The following BCAS3 variants were observed in gnomAD, a reference collection of about 807,000 sequenced individuals.
BCAS3 encodes BCAS4/BCAS3 fusion.
Under a neutral mutation model 116.1 loss-of-function variants are expected in BCAS3, and 53 were observed. That is an observed-to-expected ratio of 0.46 (90% CI 0.37 to 0.57). The LOEUF (loss-of-function observed/expected upper bound fraction) is 0.57, where lower values mean the gene tolerates loss of function less well. Ranked by LOEUF, BCAS3 falls within the 20% of genes least tolerant of loss-of-function variation. BCAS3 has a pLI of 0.00. For synonymous variants in BCAS3, 391 were observed against 408.2 expected (o/e 0.96, Z 0.51); for missense variants, 917 against 1,165.4 (o/e 0.79, Z 3.10).
chr17:61,374,778 A>T (rs2059251155), intron 23 of BCAS3, among the ~76,000 whole-genome samples: 1 of 152,220 alleles, frequency 6.6e-6, no homozygotes, highest in Non-Finnish European at 1.5e-5. Context: ...AAACAATATT[A>T]CGGCCAGTGC....
chr17:60,942,146 C>T (rs1443955946), intron 13 of BCAS3, among the ~76,000 whole-genome samples: 1 of 152,140 alleles, frequency 6.6e-6, no homozygotes, highest in African/African-American at 2.4e-5. Context: ...TTGTTTGAGG[C>T]CGGGTGCGGT....
chr17:61,338,888 GAAAAAAAAAA>G (rs57701817), intron 22 of BCAS3, among the ~76,000 whole-genome samples: 287 of 67,338 alleles, frequency 4.3e-3, no homozygotes, highest in Non-Finnish European at 6.8e-3. Context: ...CCCTTACTGG[GAAAAAAAAAA>G]AAAAAAAAAA....
At chr17:61,071,776 C>T (rs553664122) in intron 19 of BCAS3, among the ~76,000 whole-genome samples, 13 of 152,222 alleles carry the variant, frequency 8.5e-5, no homozygotes, top group Admixed American at 3.3e-4. Flanking sequence ...ATGTTTAACA[C>T]CACAGTGCCA....
intron 13 of BCAS3, among the ~76,000 whole-genome samples, chr17:60,938,420 G>GT (rs1157764682): frequency 6.6e-6 from 1 of 152,174 alleles, no homozygotes; most frequent in Non-Finnish European, 1.5e-5. Flanking sequence ...GTGAAGTATA[G>GT]TTTTTTCAAC....
At chr17:61,116,973 C>G (rs980838574) in intron 22 of BCAS3, among the ~76,000 whole-genome samples, 1 of 152,068 alleles carries the variant, frequency 6.6e-6, no homozygotes, top group South Asian at 2.1e-4. Flanking sequence ...TAGTGGGCTT[C>G]TTTGGAAGTT....
intron 6 of BCAS3, among the ~76,000 whole-genome samples, chr17:60,807,768 C>T (rs929425781): frequency 1.9e-4 from 28 of 143,830 alleles, no homozygotes; most frequent in East Asian, 4.0e-4. Context: ...GGTGACAGAG[C>T]GAGACTCTGT....
chr17:60,811,401 C>T (rs1598877001), intron 7 of BCAS3: 2 of 618,782 alleles, frequency 3.2e-6, no homozygotes, highest in African/African-American at 3.7e-5. Flanking sequence ...ACCACCTCTC[C>T]CAGGATAGTG....
chr17:60,924,516 GTCT>G lies in BCAS3; in HGVS notation c.1087+18_1087+20del. Reference sequence around the variant, plus strand: ...AATACAAGTGGTAAGTTCGCTCTCTGTCTTTTTTTTTTTTTTTTTTGTAGACCA... The same window carrying G: ...AATACAAGTGGTAAGTTCGCTCTCTGTTTTTTTTTTTTTTTTTGTAGACCA... On this transcript the variant is annotated intron_variant, in intron 13 of 23. Coordinates refer to ENST00000407086, the MANE Select transcript of BCAS3 (RefSeq NM_017679.5). The G allele has an allele frequency of 7.9e-7, 1 of 1,259,432 alleles. No individual in the cohort carries two copies. The highest frequency in any genetic ancestry group is 1.1e-6 in the Non-Finnish European group (1 of 922,510). 78.0% of individuals were successfully genotyped at this position (1,259,432 alleles called of 1,614,324 possible). A position where few individuals can be genotyped will look rare whatever the true frequency, so the allele number is the denominator to read the frequency against.
At chr17:60,918,852 C>G (rs1368337309) in intron 12 of BCAS3, among the ~76,000 whole-genome samples, 1 of 152,022 alleles carries the variant, frequency 6.6e-6, no homozygotes, top group Admixed American at 6.6e-5. Context: ...GCCACAATGC[C>G]CAACTAATTT....
At chr17:61,206,008 A>G (rs562736731) in intron 22 of BCAS3, among the ~76,000 whole-genome samples, 2 of 152,316 alleles carry the variant, frequency 1.3e-5, no homozygotes, top group Admixed American at 6.5e-5. Context: ...TGAAGAGTCA[A>G]CTGAGATGAG....
rs57701817 is a variant in BCAS3, at chr17:61,338,888, G to GA, written c.2426-29411dup. On this transcript the variant is annotated intron_variant, in intron 22 of 23. Coordinates refer to ENST00000407086, the MANE Select transcript of BCAS3 (RefSeq NM_017679.5). ...GAAGCCTATCTGGTGCCCTTACTGG[G>GA]AAAAAAAAAAAAAAAAAAAAAAAAA... 4.0e-3 allele frequency among the ~76,000 whole-genome samples: 266 copies of GA among 67,268 alleles called. 6 individuals are homozygous for GA. The highest frequency in any genetic ancestry group is 0.012 in the Middle Eastern group (1 of 84). 44.1% of individuals were successfully genotyped at this position (67,268 alleles called of 152,430 possible).
chr17:61,158,936 T>A (rs930460602), intron 22 of BCAS3, among the ~76,000 whole-genome samples: 1 of 152,210 alleles, frequency 6.6e-6, no homozygotes, highest in Non-Finnish European at 1.5e-5. Flanking sequence ...AAATTATTTA[T>A]ACATCAGCTT....
At chr17:61,163,430 GAA>G (rs11438901) in intron 22 of BCAS3, among the ~76,000 whole-genome samples, 13 of 144,338 alleles carry the variant, frequency 9.0e-5, no homozygotes, top group African/African-American at 2.3e-4. Flanking sequence ...TCTCAGAAAG[GAA>G]AAAAAAAAAA....
chr17:60,976,767 G>A (rs972415352), intron 14 of BCAS3, among the ~76,000 whole-genome samples: 2 of 152,180 alleles, frequency 1.3e-5, no homozygotes, highest in African/African-American at 2.4e-5. Context: ...TAAGGTTATA[G>A]ATTAACAGCA....
intron 19 of BCAS3, among the ~76,000 whole-genome samples, chr17:61,047,410 A>G (rs2068453806): frequency 6.6e-6 from 1 of 152,066 alleles, no homozygotes; most frequent in East Asian, 1.9e-4. Flanking sequence ...ATATATGCCA[A>G]CTAAATATAT....
At chr17:60,710,607 A>AT (rs879772906) in intron 5 of BCAS3, among the ~76,000 whole-genome samples, 3 of 151,346 alleles carry the variant, frequency 2.0e-5, no homozygotes, top group Non-Finnish European at 4.4e-5. Context: ...AATTTTTTGT[A>AT]TTTTTAGTAC....
At chr17:61,080,361 CCT>C (rs1443049562) in intron 21 of BCAS3, among the ~76,000 whole-genome samples, 1 of 152,192 alleles carries the variant, frequency 6.6e-6, no homozygotes, top group Non-Finnish European at 1.5e-5. Flanking sequence ...CCTCTCCATT[CCT>C]AATGCCAGCA....
chr17:61,053,468 G>A lies in BCAS3; in HGVS notation c.2029+12576G>A, dbSNP rs535489049. Among the ~76,000 whole-genome samples, 33 of 152,322 alleles carry A rather than the reference G, an allele frequency of 2.2e-4. No homozygotes were observed. In the South Asian group the frequency reaches 5.6e-3, roughly 26 times the overall value. ...TATAAAAAGGACAACGATACAAAAA[G>A]TTAAAGAAATTATTGGTGTTTTCTA... On this transcript the variant is annotated intron_variant, in intron 19 of 23. Transcript: ENST00000407086.
intron 5 of BCAS3, among the ~76,000 whole-genome samples, chr17:60,728,910 G>C (rs1244143464): frequency 6.6e-6 from 1 of 152,192 alleles, no homozygotes; most frequent in Non-Finnish European, 1.5e-5. Context: ...AAGCATGCTT[G>C]TGTGTATACA....
Sources: allele counts gnomAD v4.1 joint callset (sites outside exome capture counted in the v4.1 genomes callset), GRCh38; gene constraint gnomAD v4.1.1; transcripts MANE v1.5; gene names NCBI Gene and HGNC (gene_info 2026-07-23, HGNC 2026-07-21).